Variants in MTX2 observed in about 807,000 individuals in gnomAD.
MTX2 encodes metaxin-2.
In MTX2, 35 loss-of-function variants were observed where a neutral mutation model predicts 42.3. The observed-to-expected ratio is 0.83, with a 90% CI of 0.63 to 1.10. The LOEUF is 1.10. MTX2 is among the 50% of genes least tolerant of loss of function. MTX2 has a pLI of 0.00. For synonymous variants in MTX2, 119 were observed against 100.9 expected (o/e 1.18, Z -1.08); for missense variants, 307 against 304.1 (o/e 1.01, Z -0.07).
chr2:176,270,512 G>C (rs1692782976), intron 1 of MTX2: 1 of 881,062 alleles, frequency 1.1e-6, no homozygotes, highest in African/African-American at 1.8e-5. Flanking sequence ...TAGGTACTTT[G>C]AGATAGAGGC....
intron 1 of MTX2, among the ~76,000 whole-genome samples, chr2:176,295,284 T>C (rs1330745527): frequency 1.6e-4 from 25 of 152,202 alleles, no homozygotes; most frequent in East Asian, 3.8e-4. Context: ...ACGAATCTCA[T>C]TGTATTGTTT....
intron 3 of MTX2, among the ~76,000 whole-genome samples, chr2:176,319,870 T>A (rs930599016): frequency 2.6e-5 from 4 of 152,064 alleles, no homozygotes; most frequent in Non-Finnish European, 4.4e-5. Flanking sequence ...CAAAAATTTT[T>A]AAAAATTTTT....
rs968667425 is a variant in MTX2, at chr2:176,269,461, G to A, written c.-169G>A. Reference sequence around the variant, plus strand: ...CCGGAAGTCCCTAGCCAGGCCTGGCGGTAACCTTGGGGGCCTCACTGCAGC... The same window carrying A: ...CCGGAAGTCCCTAGCCAGGCCTGGCAGTAACCTTGGGGGCCTCACTGCAGC... On this transcript the variant is annotated 5_prime_UTR_variant, in exon 1 of 10. Transcript: ENST00000249442. The A allele has an allele frequency of 1.0e-5, 7 of 683,848 alleles. No homozygotes were observed. Among genetic ancestry groups the A allele is most frequent in the Non-Finnish European group, 1.1e-5 (5 of 441,652 alleles). 42.4% of individuals were successfully genotyped at this position (683,848 alleles called of 1,614,324 possible).
Position 176,287,888 on chromosome 2 carries a change from TACTG to T in MTX2, c.41-8967_41-8964del, listed in dbSNP as rs561603343. Among the ~76,000 whole-genome samples the T allele has an allele frequency of 7.2e-3, 1,067 of 148,002 alleles. 15 individuals are homozygous for T. The highest frequency in any genetic ancestry group is 0.026 in the African/African-American group (1,029 of 39,944). Reference sequence around the variant, plus strand: ...GTAGCCTTACCACTGTGCTATGCAATACTGACTGCTTTTTTTTTTTTTTTAACGT... The same window carrying T: ...GTAGCCTTACCACTGTGCTATGCAATACTGCTTTTTTTTTTTTTTTAACGT... On this transcript the variant is annotated intron_variant, in intron 1 of 9. Coordinates refer to ENST00000249442, the MANE Select transcript of MTX2 (RefSeq NM_006554.5).
At chr2:176,301,514 A>G (rs1684022790) in intron 3 of MTX2, among the ~76,000 whole-genome samples, 1 of 152,150 alleles carries the variant, frequency 6.6e-6, no homozygotes, top group Non-Finnish European at 1.5e-5. Flanking sequence ...TGAGGTAGGT[A>G]CTATTATTAT....
At chr2:176,323,704 G>T (rs1684639393) in intron 4 of MTX2, among the ~76,000 whole-genome samples, 1 of 151,594 alleles carries the variant, frequency 6.6e-6, no homozygotes. Flanking sequence ...AATAGTAAGG[G>T]AATTGTTTTA....
At chr2:176,317,069 A>C (rs909757132) in intron 3 of MTX2, among the ~76,000 whole-genome samples, 4 of 149,494 alleles carry the variant, frequency 2.7e-5, no homozygotes, top group African/African-American at 9.8e-5. Flanking sequence ...TTTTATTTTC[A>C]GAAGTTTCTG....
At chr2:176,310,694 A>G (rs756007580) in intron 3 of MTX2, among the ~76,000 whole-genome samples, 14 of 152,168 alleles carry the variant, frequency 9.2e-5, no homozygotes, top group African/African-American at 1.4e-4. Flanking sequence ...TGAATCAGCT[A>G]TTGAATCTTG....
At chr2:176,279,301 A>G (rs12151388) in intron 1 of MTX2, among the ~76,000 whole-genome samples, 32,186 of 152,080 alleles carry the variant, frequency 0.21, 4,171 homozygotes, top group Admixed American at 0.28. Flanking sequence ...TACCTGGTCA[A>G]TTTAGAGCAC....
chr2:176,327,707 A>C (rs1208742908), intron 5 of MTX2, among the ~76,000 whole-genome samples: 1 of 150,656 alleles, frequency 6.6e-6, no homozygotes, highest in Non-Finnish European at 1.5e-5. Flanking sequence ...ATTTTCTTAT[A>C]TATACATCTT....
At chr2:176,336,677 C>G (rs1487668515) in intron 9 of MTX2, among the ~76,000 whole-genome samples, 2 of 151,928 alleles carry the variant, frequency 1.3e-5, no homozygotes, top group Non-Finnish European at 2.9e-5. Flanking sequence ...ATCATTACAT[C>G]TATATTATTT....
intron 1 of MTX2, among the ~76,000 whole-genome samples, chr2:176,284,190 C>T (rs960761170): frequency 6.6e-6 from 1 of 151,558 alleles, no homozygotes; most frequent in Non-Finnish European, 1.5e-5. Context: ...AGGGATCCTT[C>T]TGCTTCAGCC....
At chr2:176,302,406 A>G (rs986672180) in intron 3 of MTX2, among the ~76,000 whole-genome samples, 8 of 152,106 alleles carry the variant, frequency 5.3e-5, no homozygotes, top group Non-Finnish European at 1.0e-4. Flanking sequence ...TTTCTGTTGA[A>G]TGTAGTATAT....
intron 1 of MTX2, among the ~76,000 whole-genome samples, chr2:176,273,925 A>C (rs1412810343): frequency 2.0e-5 from 3 of 151,392 alleles, no homozygotes; most frequent in Non-Finnish European, 4.4e-5. Context: ...AAAAAAAAAA[A>C]ACCTCCTCTT....
chr2:176,321,333 TTA>T (rs1684578696), intron 3 of MTX2, among the ~76,000 whole-genome samples: 1 of 152,156 alleles, frequency 6.6e-6, no homozygotes, highest in Non-Finnish European at 1.5e-5. Flanking sequence ...GTTATAGGTT[TTA>T]AAGGACCGTT....
At chr2:176,276,970 A>C (rs1219232506) in intron 1 of MTX2, among the ~76,000 whole-genome samples, 2 of 152,064 alleles carry the variant, frequency 1.3e-5, no homozygotes, top group Non-Finnish European at 2.9e-5. Context: ...GGAATATTCC[A>C]TTTATCTCGT....
intron 3 of MTX2, among the ~76,000 whole-genome samples, chr2:176,305,089 TAA>T (rs1684108671): frequency 6.6e-6 from 1 of 152,076 alleles, no homozygotes; most frequent in Admixed American, 6.6e-5. Flanking sequence ...TAGGTGCAAC[TAA>T]AGAGAGTGTG....
chr2:176,313,014 A>G (rs1306216349), intron 3 of MTX2, among the ~76,000 whole-genome samples: 2 of 151,876 alleles, frequency 1.3e-5, no homozygotes, highest in African/African-American at 2.4e-5. Context: ...ATAGTACATA[A>G]TAATTATTTT....
At chr2:176,287,933 T>C (rs1288274875) in intron 1 of MTX2, among the ~76,000 whole-genome samples, 1 of 151,168 alleles carries the variant, frequency 6.6e-6, no homozygotes, top group Non-Finnish European at 1.5e-5. Flanking sequence ...GAAATGGCAA[T>C]ATGACGCTGC....
Sources: gnomAD v4.1 joint callset for allele counts (sites outside exome capture counted in the v4.1 genomes callset) on GRCh38, gnomAD v4.1.1 for gene constraint, MANE v1.5 for transcripts, NCBI Gene and HGNC (gene_info 2026-07-23, HGNC 2026-07-21) for gene names.